Variants in PLD5 observed in about 807,000 individuals in gnomAD.
PLD5 encodes the protein phospholipase D family member 5, also known as inactive phospholipase D5.
PLD5 carries 36 observed loss-of-function variants against 61.1 expected under a neutral mutation model. The ratio of observed to expected loss-of-function variants is 0.59; its 90% confidence interval spans 0.45 to 0.78. The LOEUF (loss-of-function observed/expected upper bound fraction) is 0.78, where lower values mean the gene tolerates loss of function less well. Among genes scored for constraint, PLD5 ranks in the 30% least tolerant of loss-of-function variants. The pLI is 0.00. For synonymous variants in PLD5, 243 were observed against 242.8 expected, an observed-to-expected ratio of 1.00 and a Z score of -0.01; for missense variants, 515 against 644.4, an observed-to-expected ratio of 0.80 and a Z score of 2.17.
chr1:242,106,102 A>G (rs1240350027), intron 8 of PLD5, among the ~76,000 whole-genome samples: 1 of 152,138 alleles, frequency 6.6e-6, no homozygotes, highest in Non-Finnish European at 1.5e-5. Context: ...GAGTTTTATA[A>G]TTGCTGTGGA....
At chr1:242,442,216 A>C (rs1314472060) in intron 1 of PLD5, among the ~76,000 whole-genome samples, 3 of 152,242 alleles carry the variant, frequency 2.0e-5, no homozygotes, top group Admixed American at 6.5e-5. Context: ...AAAGTACCAG[A>C]GTTCCTTAAA....
intron 4 of PLD5, among the ~76,000 whole-genome samples, chr1:242,223,876 AG>A (rs1670765638): frequency 1.3e-5 from 2 of 151,970 alleles, no homozygotes; most frequent in African/African-American, 2.4e-5. Flanking sequence ...AGAGAGAGAG[AG>A]AGAGAGTCAT....
At chr1:242,323,836 G>T (rs1263466718) in intron 2 of PLD5, among the ~76,000 whole-genome samples, 2 of 152,088 alleles carry the variant, frequency 1.3e-5, no homozygotes, top group African/African-American at 2.4e-5. Context: ...AGGATCAGAG[G>T]TTTCCCAGAT....
chr1:242,173,252 T>C (rs905950293), intron 5 of PLD5, among the ~76,000 whole-genome samples: 7 of 152,044 alleles, frequency 4.6e-5, no homozygotes, highest in Admixed American at 3.9e-4. Context: ...CATTCCTCTA[T>C]ACCAATAACA....
intron 5 of PLD5, among the ~76,000 whole-genome samples, chr1:242,164,652 G>A (rs554738338): frequency 6.6e-6 from 1 of 152,204 alleles, no homozygotes; most frequent in Non-Finnish European, 1.5e-5. Context: ...GTTGACAACA[G>A]GTGTGGACAG....
chr1:242,249,304 AC>A (rs1020112015), intron 4 of PLD5, among the ~76,000 whole-genome samples: 9 of 152,212 alleles, frequency 5.9e-5, no homozygotes, highest in African/African-American at 2.2e-4. Flanking sequence ...ATGAAATGGT[AC>A]AGCAAGAAGG....
intron 6 of PLD5, 66 bp from the exon 7 acceptor site, chr1:242,114,092 C>T (rs902800484): frequency 6.4e-7 from 1 of 1,554,620 alleles, no homozygotes; most frequent in Non-Finnish European, 8.7e-7. Flanking sequence ...TTATTTATTT[C>T]CTTTGTTTCC....
At chr1:242,127,596 C>A (rs578146446) in intron 5 of PLD5, among the ~76,000 whole-genome samples, 1 of 151,926 alleles carries the variant, frequency 6.6e-6, no homozygotes, top group East Asian at 1.9e-4. Context: ...TATGTGGGAG[C>A]CAAACTATGA....
intron 1 of PLD5, among the ~76,000 whole-genome samples, chr1:242,411,297 A>G (rs912810230): frequency 2.0e-5 from 3 of 152,108 alleles, no homozygotes; most frequent in Admixed American, 6.6e-5. Flanking sequence ...GTGCAGTGGC[A>G]CGATCTCGGC....
intron 5 of PLD5, among the ~76,000 whole-genome samples, chr1:242,205,920 C>T (rs74150855): frequency 0.011 from 1,632 of 152,314 alleles, 28 homozygotes; most frequent in African/African-American, 0.037. Flanking sequence ...GCTTTAAGCA[C>T]TAGCACCCTT....
chr1:242,480,356 A>C (rs1269702073), intron 1 of PLD5, among the ~76,000 whole-genome samples: 2 of 152,212 alleles, frequency 1.3e-5, no homozygotes, highest in Non-Finnish European at 2.9e-5. Flanking sequence ...CACATACAAG[A>C]ATTAAAATGA....
At chr1:242,518,615 T>G (rs2810003) in intron 1 of PLD5, among the ~76,000 whole-genome samples, 54,944 of 152,064 alleles carry the variant, frequency 0.36, 10,184 homozygotes, top group African/African-American at 0.41. Flanking sequence ...GAGATAGTTA[T>G]AGAAGTCTAT....
intron 5 of PLD5, among the ~76,000 whole-genome samples, chr1:242,168,606 C>A (rs1666494417): frequency 6.6e-6 from 1 of 151,988 alleles, no homozygotes; most frequent in African/African-American, 2.4e-5. Flanking sequence ...TTAAAGGTAC[C>A]AATATATTTT....
intron 5 of PLD5, among the ~76,000 whole-genome samples, chr1:242,177,552 C>A (rs990706817): frequency 4.6e-5 from 7 of 152,040 alleles, no homozygotes; most frequent in Non-Finnish European, 1.0e-4. Context: ...TACCCTAGAA[C>A]TTATAAAAAT....
In PLD5 at chr1:242,085,726, G is replaced by C. The variant is rs1213771934; in HGVS notation, c.*4128C>G. ...CACAATATATGGGGCTGTTCGTAAG[G>C]ACTGAGTTTGAATAAACAATAACAA... On this transcript the variant is annotated 3_prime_UTR_variant, in exon 10 of 10. Transcript: ENST00000536534. 1 of 152,182 alleles carries C rather than the reference G, an allele frequency of 6.6e-6. No individual in the cohort carries two copies. Among genetic ancestry groups the C allele is most frequent in the African/African-American group, 2.4e-5 (1 of 41,438 alleles). 9.4% of individuals were successfully genotyped at this position (152,182 alleles called of 1,614,324 possible). A position where few individuals can be genotyped will look rare whatever the true frequency, so the allele number is the denominator to read the frequency against.
In PLD5 at chr1:242,145,878, A is replaced by G. The variant is rs531843168; in HGVS notation, c.736-21213T>C. Among the ~76,000 whole-genome samples the G allele has an allele frequency of 2.6e-5, 4 of 152,266 alleles. No individual in the cohort carries two copies. The South Asian group carries it at 8.3e-4, about 32-fold the overall frequency. Reference sequence around the variant, plus strand: ...TTTAGTAGAGACAGGGTTTTGCCACATTGGCCAGGCTGGTCTCGAACTCCT... The same window carrying G: ...TTTAGTAGAGACAGGGTTTTGCCACGTTGGCCAGGCTGGTCTCGAACTCCT... On this transcript the variant is annotated intron_variant, in intron 5 of 9. Transcript: ENST00000536534.
chr1:242,414,331 C>T (rs1664711672), intron 1 of PLD5, among the ~76,000 whole-genome samples: 1 of 152,088 alleles, frequency 6.6e-6, no homozygotes, highest in Non-Finnish European at 1.5e-5. Context: ...ATCTCAAAGG[C>T]AATTTGACTC....
At chr1:242,242,694 G>A (rs1672131618) in intron 4 of PLD5, among the ~76,000 whole-genome samples, 1 of 152,084 alleles carries the variant, frequency 6.6e-6, no homozygotes, top group African/African-American at 2.4e-5. Flanking sequence ...GGATGCCTGA[G>A]GGTTAAATAA....
intron 5 of PLD5, among the ~76,000 whole-genome samples, chr1:242,145,894 T>A (rs1448359334): frequency 6.6e-6 from 1 of 152,258 alleles, no homozygotes; most frequent in African/African-American, 2.4e-5. Context: ...CAGGCTGGTC[T>A]CGAACTCCTG....
Sources: allele counts gnomAD v4.1 joint callset (sites outside exome capture counted in the v4.1 genomes callset), GRCh38; gene constraint gnomAD v4.1.1; transcripts MANE v1.5; gene names NCBI Gene and HGNC (gene_info 2026-07-23, HGNC 2026-07-21).